The following RPL21 variants were observed in gnomAD, a reference collection of about 807,000 sequenced individuals.
RPL21 encodes the protein large ribosomal subunit protein eL21.
In RPL21, 1 loss-of-function variant was observed where a neutral mutation model predicts 21.2. That is an observed-to-expected ratio of 0.05 (90% CI 0.02 to 0.22). The LOEUF (loss-of-function observed/expected upper bound fraction) is 0.22, where lower values mean the gene tolerates loss of function less well. Among genes scored for constraint, RPL21 ranks in the 10% least tolerant of loss-of-function variants. The pLI, the probability that RPL21 is intolerant of heterozygous loss-of-function variation, is 1.00. For synonymous variants in RPL21, 52 were observed against 62.9 expected (o/e 0.83, Z 0.82); for missense variants, 113 against 199.4 (o/e 0.57, Z 2.61).
chr13:27,256,405 T>C, intron 5 of RPL21, 31 bp from the exon 6 acceptor site: 1 of 1,568,024 alleles, frequency 6.4e-7, no homozygotes, highest in Non-Finnish European at 8.8e-7. Flanking sequence ...ATCACATAAT[T>C]ATTTTATTCC....
chr13:27,252,938 G>A (rs890487881), intron 1 of RPL21, among the ~76,000 whole-genome samples: 1 of 152,214 alleles, frequency 6.6e-6, no homozygotes, highest in African/African-American at 2.4e-5. Flanking sequence ...GCCCTATAAT[G>A]ACTAAAGAGC....
intron 4 of RPL21, 77 bp from the exon 5 acceptor site, chr13:27,256,107 T>C (rs1384443709): frequency 4.5e-6 from 5 of 1,122,136 alleles, no homozygotes; most frequent in Non-Finnish European, 5.3e-6. Flanking sequence ...ATTTAATAAA[T>C]GAAACTGCAA....
At chr13:27,255,432 T>A (rs143708880) in intron 4 of RPL21, 78 bp downstream of exon 4, 1 of 784,092 alleles carries the variant, frequency 1.3e-6, no homozygotes, top group South Asian at 1.3e-5. Context: ...GTTGGACTTA[T>A]GTCTTTATTG....
Position 27,256,449 on chromosome 13 carries a change from G to A in RPL21, c.407G>A (p.Arg136Lys). 1.9e-6 allele frequency: 3 copies of A among 1,582,464 alleles called. No individual in the cohort carries two copies. Among genetic ancestry groups the A allele is most frequent in the Non-Finnish European group, 2.6e-6 (3 of 1,151,926 alleles). Residue 136 changes from arginine (R) to lysine (K), a missense_variant, in exon 6 of 6, where the codon AGA becomes AAA. Arg to Lys is a conservative substitution (Grantham distance 26). Transcript: ENST00000311549. ...VQLKRQPAPPREAHFVRTNGK... is the reference protein window; with the variant it reads ...VQLKRQPAPPKEAHFVRTNGK... ...TTCCTTTAATAGCCTGCTCCACCCA[G>A]AGAAGCACACTTTGTGAGAACCAAT...
chr13:27,253,883 A>G (rs755919659), intron 2 of RPL21, 40 bp downstream of exon 2: 2 of 1,151,188 alleles, frequency 1.7e-6, no homozygotes, highest in South Asian at 1.2e-5. Context: ...CATGGCACAC[A>G]TTTGTGTTCT....
chr13:27,253,726 T>G, intron 1 of RPL21, 39 bp from the exon 2 acceptor site: 2 of 1,165,090 alleles, frequency 1.7e-6, no homozygotes. Context: ...CAAATGCCAG[T>G]TTTCAGTCGT....
At chr13:27,251,936 A>G (rs968573276) in intron 1 of RPL21, 2 of 152,300 alleles carry the variant, frequency 1.3e-5, no homozygotes, top group African/African-American at 4.8e-5. Context: ...CCCCTCTCAC[A>G]TAGGCTGTGT....
At chr13:27,252,007 C>T (rs1483960528) in intron 1 of RPL21, among the ~76,000 whole-genome samples, 1 of 152,036 alleles carries the variant, frequency 6.6e-6, no homozygotes, top group African/African-American at 2.4e-5. Context: ...TATTCCAAAT[C>T]TTGCGATGAT....
intron 1 of RPL21, 30 bp from the exon 2 acceptor site, chr13:27,253,735 G>T: frequency 7.9e-7 from 1 of 1,265,322 alleles, no homozygotes; most frequent in Non-Finnish European, 1.2e-6. Context: ...GTTTTCAGTC[G>T]TATTTGACTG....
At chr13:27,253,069 G>C (rs533197725) in intron 1 of RPL21, among the ~76,000 whole-genome samples, 1 of 152,254 alleles carries the variant, frequency 6.6e-6, no homozygotes, top group South Asian at 2.1e-4. Context: ...CACTTTACAC[G>C]GGCCAAGCAT....
intron 1 of RPL21, among the ~76,000 whole-genome samples, chr13:27,253,260 A>G (rs568527200): frequency 1.3e-5 from 2 of 152,332 alleles, no homozygotes; most frequent in African/African-American, 4.8e-5. Context: ...GTTCGTAGTA[A>G]ATAATCAGAA....
chr13:27,252,450 C>T (rs1427500640), intron 1 of RPL21, among the ~76,000 whole-genome samples: 1 of 152,154 alleles, frequency 6.6e-6, no homozygotes, highest in Non-Finnish European at 1.5e-5. Context: ...AACTGTAAAG[C>T]ATCGTTTTGA....
At chr13:27,254,502 C>G in intron 3 of RPL21, 1 of 515,024 alleles carries the variant, frequency 1.9e-6, no homozygotes, top group Non-Finnish European at 3.5e-6. Context: ...TCAAGCAGTT[C>G]TCCTGCCTCA....
chr13:27,254,449 G>C, intron 3 of RPL21, 168 bp downstream of exon 3: 1 of 560,426 alleles, frequency 1.8e-6, no homozygotes, highest in Non-Finnish European at 3.1e-6. Context: ...AGGCTGGAGT[G>C]CAATGGCATG....
intron 3 of RPL21, 200 bp downstream of exon 3, chr13:27,254,481 C>A: frequency 1.8e-6 from 1 of 541,190 alleles, no homozygotes; most frequent in Non-Finnish European, 3.3e-6. Context: ...ACCTCCGCCT[C>A]CCTCCCGGAT....
intron 4 of RPL21, 73 bp from the exon 5 acceptor site, chr13:27,256,111 A>G: frequency 8.6e-7 from 1 of 1,156,728 alleles, no homozygotes; most frequent in East Asian, 2.6e-5. Context: ...AATAAATGAA[A>G]CTGCAAAATC....
At chr13:27,254,392 ATTTTTTTT>A (rs555263610) in intron 3 of RPL21, 111 bp downstream of exon 3, 5 of 286,824 alleles carry the variant, frequency 1.7e-5, no homozygotes, top group Non-Finnish European at 3.1e-5. Flanking sequence ...TATAGAATGG[ATTTTTTTT>A]TTTTTTTTTT....
chr13:27,252,476 T>A (rs567842058), intron 1 of RPL21, among the ~76,000 whole-genome samples: 1 of 152,298 alleles, frequency 6.6e-6, no homozygotes, highest in South Asian at 2.1e-4. Flanking sequence ...GCCTTCAGTT[T>A]TAAGTGTATG....
rs59570231 is a variant in RPL21, at chr13:27,254,430, T to C, written c.129+149T>C. 2,902 of 586,988 alleles carry C rather than the reference T, an allele frequency of 4.9e-3. 74 individuals carry two copies. In the African/African-American group the frequency reaches 0.051, roughly 10 times the overall value. The allele number at this position is 586,988 out of a possible 1,614,324, so 36.4% of individuals were successfully genotyped here. A position where few individuals can be genotyped will look rare whatever the true frequency, so the allele number is the denominator to read the frequency against. ...TTTTTTTGGAGACGGAGTTTCACTC[T>C]TGTTGCTCAGGCTGGAGTGCAATGG... On this transcript the variant is annotated intron_variant, in intron 3 of 5. Transcript: ENST00000311549.
Sources: allele counts gnomAD v4.1 joint callset (sites outside exome capture counted in the v4.1 genomes callset), GRCh38; gene constraint gnomAD v4.1.1; transcripts MANE v1.5; gene names NCBI Gene and HGNC (gene_info 2026-07-23, HGNC 2026-07-21).